The following PATJ variants were observed in gnomAD, a reference collection of about 807,000 sequenced individuals.
The protein encoded by PATJ is inaD-like protein.
PATJ carries 190 observed loss-of-function variants against 224.9 expected under a neutral mutation model. The ratio of observed to expected loss-of-function variants is 0.84; its 90% confidence interval spans 0.75 to 0.95. PATJ has a LOEUF of 0.95. PATJ is among the 40% of genes least tolerant of loss of function. PATJ has a pLI of 0.00. For missense variants in PATJ, 2,121 were observed against 2,270.3 expected, an observed-to-expected ratio of 0.93 and a Z score of 1.34; for synonymous variants, 769 against 820.3, an observed-to-expected ratio of 0.94 and a Z score of 1.07.
At chr1:61,908,930 A>G (rs1175481928) in intron 25 of PATJ, among the ~76,000 whole-genome samples, 1 of 152,226 alleles carries the variant, frequency 6.6e-6, no homozygotes, top group Non-Finnish European at 1.5e-5. Flanking sequence ...GTGTGTTCTA[A>G]TGTTGGAGAT....
chr1:61,820,275 C>G (rs1254018066), intron 14 of PATJ, among the ~76,000 whole-genome samples: 3 of 152,006 alleles, frequency 2.0e-5, no homozygotes, highest in Non-Finnish European at 4.4e-5. Context: ...TGACCTCAGG[C>G]AATCCACCCA....
rs142044799 is a variant in PATJ at position 62,008,727 on chromosome 1, C to T, written c.3868-9129C>T. 5.2e-4 allele frequency among the ~76,000 whole-genome samples: 79 copies of T among 151,780 alleles called. 1 individual carries two copies. The highest frequency in any genetic ancestry group is 3.4e-3 in the Middle Eastern group (1 of 294). On this transcript the variant is annotated intron_variant, in intron 28 of 43. Transcript: ENST00000642238. ...TCGCACCATTGCACTCCAGCCTGGG[C>T]GACAGAGCAAGACCCTGACTCAAAA...
intron 27 of PATJ, among the ~76,000 whole-genome samples, chr1:61,975,559 C>T (rs1330590825): frequency 6.6e-6 from 1 of 151,954 alleles, no homozygotes; most frequent in East Asian, 1.9e-4. Context: ...ATCCGGTGTA[C>T]ATCCATTCCT....
chr1:61,998,887 C>T (rs2149593528), intron 28 of PATJ, among the ~76,000 whole-genome samples: 1 of 152,234 alleles, frequency 6.6e-6, no homozygotes, highest in African/African-American at 2.4e-5. Context: ...CCTTATGCCA[C>T]TGAAATATTG....
At chr1:62,050,414 G>C (rs1653391252) in intron 30 of PATJ, among the ~76,000 whole-genome samples, 1 of 152,190 alleles carries the variant, frequency 6.6e-6, no homozygotes, top group Non-Finnish European at 1.5e-5. Context: ...TGCCAGCAGA[G>C]AACCAGTTCT....
chr1:62,013,244 A>G, intron 28 of PATJ: 2 of 500,608 alleles, frequency 4.0e-6, no homozygotes, highest in Non-Finnish European at 5.2e-6. Context: ...ATGGAGGACC[A>G]CCACTAAAGA....
At chr1:62,113,135 A>G (rs1270578525) in intron 34 of PATJ, among the ~76,000 whole-genome samples, 3 of 152,236 alleles carry the variant, frequency 2.0e-5, no homozygotes, top group Non-Finnish European at 2.9e-5. Context: ...TTTAACAGAA[A>G]AGGAAACAGA....
chr1:61,848,878 A>G (rs528157388), intron 17 of PATJ, among the ~76,000 whole-genome samples: 8 of 152,336 alleles, frequency 5.3e-5, no homozygotes, highest in South Asian at 2.1e-4. Flanking sequence ...CAAGAAGCCA[A>G]TATCTGGCTA....
chr1:61,945,763 ATTC>A (rs1240545429), intron 27 of PATJ, among the ~76,000 whole-genome samples: 65 of 152,350 alleles, frequency 4.3e-4, no homozygotes, highest in African/African-American at 1.5e-3. Flanking sequence ...CAGAATATAC[ATTC>A]TTCTCAGCAC....
At chr1:61,812,152 T>A (rs1427619505) in intron 14 of PATJ, among the ~76,000 whole-genome samples, 1 of 152,194 alleles carries the variant, frequency 6.6e-6, no homozygotes, top group Non-Finnish European at 1.5e-5. Context: ...ATAAAGACTT[T>A]AAGTAATTCC....
At chr1:61,836,167 C>G (rs531842588) in intron 17 of PATJ, among the ~76,000 whole-genome samples, 1 of 152,160 alleles carries the variant, frequency 6.6e-6, no homozygotes, top group Non-Finnish European at 1.5e-5. Context: ...TTAAAAACAT[C>G]TATAGTCAGT....
intron 42 of PATJ, among the ~76,000 whole-genome samples, chr1:62,151,008 A>T (rs538883309): frequency 6.6e-6 from 1 of 151,798 alleles, no homozygotes; most frequent in South Asian, 2.1e-4. Context: ...ACGTGGTGGC[A>T]CATGCCTGTA....
chr1:61,775,439 C>G, intron 7 of PATJ, 105 bp downstream of exon 7: 1 of 975,674 alleles, frequency 1.0e-6, no homozygotes, highest in Non-Finnish European at 1.5e-6. Context: ...GACTTAATAA[C>G]AAGAATTTAA....
intron 11 of PATJ, 139 bp from the exon 12 acceptor site, chr1:61,801,484 C>G (rs1652479792): frequency 6.5e-6 from 3 of 464,862 alleles, no homozygotes; most frequent in Admixed American, 7.5e-5. Flanking sequence ...ATATAAGTTA[C>G]CTCAGATTTA....
intron 27 of PATJ, chr1:61,952,355 G>A: frequency 1.4e-6 from 1 of 714,222 alleles, no homozygotes; most frequent in Non-Finnish European, 2.6e-6. Flanking sequence ...TTGGATATTT[G>A]TCAGGAATGC....
At chr1:61,987,006 T>G (rs907795507) in intron 27 of PATJ, among the ~76,000 whole-genome samples, 1 of 152,080 alleles carries the variant, frequency 6.6e-6, no homozygotes, top group African/African-American at 2.4e-5. Flanking sequence ...AATTGCCTTC[T>G]AAGTTCTTCT....
chr1:61,967,334 ATAGT>A (rs1682319465), intron 27 of PATJ, among the ~76,000 whole-genome samples: 1 of 152,332 alleles, frequency 6.6e-6, no homozygotes, highest in Middle Eastern at 3.4e-3. Context: ...CTTGCTTTTG[ATAGT>A]TAAACTATAG....
At chr1:62,026,238 C>T (rs946755485) in intron 29 of PATJ, among the ~76,000 whole-genome samples, 1 of 152,080 alleles carries the variant, frequency 6.6e-6, no homozygotes, top group African/African-American at 2.4e-5. Flanking sequence ...AGGAGTTTTC[C>T]CATTGAGATA....
chr1:62,099,643 A>G (rs1330121715), intron 33 of PATJ, among the ~76,000 whole-genome samples: 1 of 152,164 alleles, frequency 6.6e-6, no homozygotes, highest in Non-Finnish European at 1.5e-5. Flanking sequence ...AAGCAGTGTA[A>G]TTAAGCCGTG....
Sources: gnomAD v4.1 joint callset for allele counts (sites outside exome capture counted in the v4.1 genomes callset) on GRCh38, gnomAD v4.1.1 for gene constraint, MANE v1.5 for transcripts, NCBI Gene and HGNC (gene_info 2026-07-23, HGNC 2026-07-21) for gene names.